CD200R1L: variants seen among roughly 807,000 people sequenced by gnomAD.
CD200R1L encodes the protein cell surface glycoprotein CD200 receptor 2.
CD200R1L carries 14 observed loss-of-function variants against 24.8 expected under a neutral mutation model. The observed-to-expected ratio is 0.56, with a 90% CI of 0.37 to 0.88. The LOEUF is 0.88. Ranked by LOEUF, CD200R1L falls within the 40% of genes least tolerant of loss-of-function variation. The probability of loss-of-function intolerance (pLI) is 0.00; values close to 1 mark genes in which losing one functional copy is unlikely to be tolerated. For missense variants in CD200R1L, 299 were observed against 297.8 expected (o/e 1.00, Z -0.03); for synonymous variants, 111 against 109.2 (o/e 1.02, Z -0.11).
chr3:112,839,434 G>A lies in CD200R1L; in HGVS notation c.-86-1424C>T, dbSNP rs1326014067. Reference sequence around the variant, plus strand: ...AGAACATTTACATATAACAAGATTGGCTCGTTTCTCCTAATTTGCTGCCCA... The same window carrying A: ...AGAACATTTACATATAACAAGATTGACTCGTTTCTCCTAATTTGCTGCCCA... On this transcript the variant is annotated intron_variant, in intron 2 of 7. Transcript: ENST00000488794. Among the ~76,000 whole-genome samples, 3 of 152,294 alleles carry A rather than the reference G, an allele frequency of 2.0e-5. No homozygotes were observed. The East Asian group carries it at 5.8e-4, about 29-fold the overall frequency.
intron 3 of CD200R1L, among the ~76,000 whole-genome samples, chr3:112,837,457 C>T (rs1938975555): frequency 6.6e-6 from 1 of 152,178 alleles, no homozygotes; most frequent in Admixed American, 6.5e-5. Flanking sequence ...CACTAAACTC[C>T]TCCCACCCCA....
chr3:112,843,026 C>A (rs551865984), intron 2 of CD200R1L, among the ~76,000 whole-genome samples: 1 of 152,262 alleles, frequency 6.6e-6, no homozygotes, highest in South Asian at 2.1e-4. Context: ...CTTTGTTAAA[C>A]CTGCTCTGAG....
chr3:112,821,735 T>C (rs572290699), intron 6 of CD200R1L, among the ~76,000 whole-genome samples: 51 of 152,340 alleles, frequency 3.3e-4, no homozygotes, highest in Admixed American at 2.7e-3. Context: ...CTAAATTAAT[T>C]GAGACCTGTC....
chr3:112,833,713 A>G (rs1316112154), intron 3 of CD200R1L, among the ~76,000 whole-genome samples: 1 of 152,136 alleles, frequency 6.6e-6, no homozygotes, highest in Non-Finnish European at 1.5e-5. Context: ...TTATACTGTC[A>G]TCTCTCCCTC....
At chr3:112,827,768 G>C in intron 4 of CD200R1L, 84 bp from the exon 5 acceptor site, 1 of 1,295,936 alleles carries the variant, frequency 7.7e-7, no homozygotes, top group Non-Finnish European at 1.1e-6. Context: ...TATATTACAT[G>C]AAGTTTTATT....
At chr3:112,826,200 C>G (rs563998414) in intron 6 of CD200R1L, among the ~76,000 whole-genome samples, 1 of 151,546 alleles carries the variant, frequency 6.6e-6, no homozygotes, top group East Asian at 1.9e-4. Flanking sequence ...TTTATTAATA[C>G]GATATATATA....
Position 112,827,413 on chromosome 3 carries a change from T to C in CD200R1L, c.321A>G (p.Val107=), listed in dbSNP as rs750586155. The change falls in exon 5 of 8, where the codon GTA becomes GTG. Residue 107 remains valine (V), a synonymous_variant. Coordinates refer to ENST00000488794, the MANE Select transcript of CD200R1L (RefSeq NM_001199215.3). ...THDGYYRGIV[V]TPDGNFHRGY... ...CACGATGGAAATTCCCATCAGGTGTTACCACTATGCCTCTGTAATACCCGT... is the reference window on the plus strand; with the variant it reads ...CACGATGGAAATTCCCATCAGGTGTCACCACTATGCCTCTGTAATACCCGT... The C allele has an allele frequency of 9.9e-6, 16 of 1,614,070 alleles. No homozygotes were observed. The African/African-American group carries it at 2.0e-4, about 20-fold the overall frequency.
At chr3:112,846,064 T>C (rs1939196467) in intron 1 of CD200R1L, 114 bp from the exon 2 acceptor site, 1 of 204,464 alleles carries the variant, frequency 4.9e-6, no homozygotes, top group Non-Finnish European at 9.8e-6. Context: ...TTTGAGAGTA[T>C]AAATTACATA....
In CD200R1L at chr3:112,845,674, C is replaced by T. The variant is rs755176092; in HGVS notation, c.-87+5G>A. The T allele has an allele frequency of 6.2e-7, 1 of 1,610,720 alleles. No homozygotes were observed. The highest frequency in any genetic ancestry group is 8.5e-7 in the Non-Finnish European group (1 of 1,177,372). ...CAGCTGAAAATGTCACAGTATCAGA[C>T]TTACCAGACACCATGATAATGATGG... On this transcript the variant is annotated splice_donor_5th_base_variant and intron_variant, in intron 2 of 7. Transcript: ENST00000488794.
intron 1 of CD200R1L, 99 bp from the exon 2 acceptor site, chr3:112,846,049 A>G (rs1290454652): frequency 8.8e-6 from 2 of 226,458 alleles, no homozygotes; most frequent in African/African-American, 2.3e-5. Flanking sequence ...TTTAAAAAGT[A>G]GCATTTTGAG....
chr3:112,819,039 G>A (rs992551476), intron 7 of CD200R1L, among the ~76,000 whole-genome samples: 18 of 152,210 alleles, frequency 1.2e-4, no homozygotes, highest in African/African-American at 4.1e-4. Flanking sequence ...AGGCGAAGGG[G>A]AAGCAAGGCA....
chr3:112,837,862 G>A, intron 3 of CD200R1L, 80 bp downstream of exon 3: 1 of 475,590 alleles, frequency 2.1e-6, no homozygotes, highest in Non-Finnish European at 3.1e-6. Context: ...ATTGCACACA[G>A]GACAAATGAT....
chr3:112,834,237 T>C (rs1172411049), intron 3 of CD200R1L, among the ~76,000 whole-genome samples: 2 of 67,820 alleles, frequency 2.9e-5, no homozygotes, highest in Non-Finnish European at 7.9e-5. Context: ...CATCATTCTT[T>C]TTTTTTTTTT....
chr3:112,842,107 C>T (rs1559926911), intron 2 of CD200R1L, among the ~76,000 whole-genome samples: 1 of 152,190 alleles, frequency 6.6e-6, no homozygotes, highest in Non-Finnish European at 1.5e-5. Context: ...TGGGACAAAA[C>T]TAGCTGGTTG....
rs867913988 is a variant in CD200R1L at position 112,846,004 on chromosome 3, C to A, written c.-358-54G>T. ...TTACTACTCATTGCTTCTCCCACAA[C>A]ATTGAAGTAGCAAGATAAACTATAT... is the stretch of plus-strand genomic sequence containing the variant. On this transcript the variant is annotated intron_variant, in intron 1 of 7. Coordinates refer to ENST00000488794, the MANE Select transcript of CD200R1L (RefSeq NM_001199215.3). 46 of 373,656 alleles carry A rather than the reference C, an allele frequency of 1.2e-4. 1 individual carries two copies. The highest frequency in any genetic ancestry group is 9.0e-4 in the African/African-American group (43 of 47,938). 23.1% of individuals were successfully genotyped at this position (373,656 alleles called of 1,614,324 possible). A position where few individuals can be genotyped will look rare whatever the true frequency, so the allele number is the denominator to read the frequency against.
chr3:112,836,114 G>T (rs989854869), intron 3 of CD200R1L, among the ~76,000 whole-genome samples: 1 of 152,230 alleles, frequency 6.6e-6, no homozygotes, highest in South Asian at 2.1e-4. Flanking sequence ...AGGGAGTGAG[G>T]TTGAGGCCAT....
chr3:112,831,284 G>T (rs1429567325), intron 3 of CD200R1L, among the ~76,000 whole-genome samples: 2 of 152,096 alleles, frequency 1.3e-5, no homozygotes, highest in Non-Finnish European at 2.9e-5. Context: ...ACAAAAATGT[G>T]TTAAATGTAT....
chr3:112,842,777 C>T (rs561213709), intron 2 of CD200R1L, among the ~76,000 whole-genome samples: 3 of 152,264 alleles, frequency 2.0e-5, no homozygotes, highest in Non-Finnish European at 4.4e-5. Flanking sequence ...TTCTGCAGTA[C>T]CCTCAGGCTT....
chr3:112,833,175 T>C (rs1379465135), intron 3 of CD200R1L, among the ~76,000 whole-genome samples: 1 of 152,242 alleles, frequency 6.6e-6, no homozygotes, highest in African/African-American at 2.4e-5. Flanking sequence ...GGCAGCCTGC[T>C]GCATATTTGC....
Sources: gnomAD v4.1 joint callset for allele counts (sites outside exome capture counted in the v4.1 genomes callset) on GRCh38, gnomAD v4.1.1 for gene constraint, MANE v1.5 for transcripts, NCBI Gene and HGNC (gene_info 2026-07-23, HGNC 2026-07-21) for gene names.